The following MAPKBP1 variants were observed in gnomAD, a reference collection of about 807,000 sequenced individuals.
MAPKBP1 encodes the protein mitogen-activated protein kinase-binding protein 1.
MAPKBP1 carries 71 observed loss-of-function variants against 170.5 expected under a neutral mutation model. The observed-to-expected ratio is 0.42, with a 90% confidence interval of 0.34 to 0.51. MAPKBP1 has a LOEUF of 0.51. Among genes scored for constraint, MAPKBP1 ranks in the 20% least tolerant of loss-of-function variants. The probability of loss-of-function intolerance (pLI) is 0.06; values close to 1 mark genes in which losing one functional copy is unlikely to be tolerated. For missense variants in MAPKBP1, 1,598 were observed against 1,933.0 expected (o/e 0.83, Z 3.25); for synonymous variants, 719 against 757.9 (o/e 0.95, Z 0.84).
chr15:41,798,727 A>C (rs947783604), intron 2 of MAPKBP1, among the ~76,000 whole-genome samples: 1 of 152,078 alleles, frequency 6.6e-6, no homozygotes, highest in African/African-American at 2.4e-5. Flanking sequence ...CATCCACCCT[A>C]AGTGTTTCTG....
intron 10 of MAPKBP1, 103 bp downstream of exon 10, chr15:41,814,842 G>T: frequency 1.4e-6 from 2 of 1,401,228 alleles, no homozygotes; most frequent in Admixed American, 1.9e-5. Context: ...GATTCCTGCT[G>T]CCTCCCTGTT....
intron 2 of MAPKBP1, among the ~76,000 whole-genome samples, chr15:41,790,176 T>G (rs1216233722): frequency 6.6e-6 from 1 of 152,208 alleles, no homozygotes; most frequent in Non-Finnish European, 1.5e-5. Context: ...CCCAGACCTT[T>G]TGTACCCCCG....
At chr15:41,791,027 A>G (rs946635117) in intron 2 of MAPKBP1, among the ~76,000 whole-genome samples, 1 of 152,158 alleles carries the variant, frequency 6.6e-6, no homozygotes, top group Non-Finnish European at 1.5e-5. Flanking sequence ...GTGTGTGGGC[A>G]AGAGACAAAT....
In MAPKBP1 at chr15:41,817,075, C is replaced by A; in HGVS notation, c.1711+40C>A. The A allele has an allele frequency of 6.5e-7, 1 of 1,542,352 alleles. No individual in the cohort carries two copies. Among genetic ancestry groups the A allele is most frequent in the South Asian group, 1.2e-5 (1 of 80,158 alleles). On this transcript the variant is annotated intron_variant, in intron 14 of 30. Transcript: ENST00000457542. The surrounding 1 kb of genome is among the most constrained non-coding windows in gnomAD (Gnocchi z 4.2). ...AATGAGACACATCCTGCCACTCTCA[C>A]CCCTGCTGCCATCTGCCTCCCACCT...
In MAPKBP1 at chr15:41,825,396, T is replaced by G; in HGVS notation, c.4487T>G (p.Leu1496Trp). The G allele has an allele frequency of 6.2e-7, 1 of 1,613,014 alleles. No homozygotes were observed. The change falls in exon 31 of 31, where the codon TTG (leucine) becomes TGG (tryptophan). Residue 1496 changes from leucine to tryptophan, a missense_variant. Physicochemically the swap from Leu to Trp is moderately conservative, Grantham distance 61. Transcript: ENST00000457542. ...CTGCTGGAGCAATACTCAGAACTGT[T>G]GCTTCGAGCCGTGGAACGGCGTATG... is the stretch of plus-strand genomic sequence containing the variant. ...QALLEQYSEL[L>W]LRAVERRMER...
intron 2 of MAPKBP1, among the ~76,000 whole-genome samples, chr15:41,797,870 C>T (rs916795502): frequency 6.6e-6 from 1 of 152,126 alleles, no homozygotes; most frequent in African/African-American, 2.4e-5. Flanking sequence ...AATGTAACAT[C>T]TCAGGAGACT....
At chr15:41,808,224 A>G (rs2064738005) in intron 3 of MAPKBP1, among the ~76,000 whole-genome samples, 1 of 146,404 alleles carries the variant, frequency 6.8e-6, no homozygotes, top group Non-Finnish European at 1.5e-5. Flanking sequence ...CTCCTGCCTC[A>G]GCCTCCCCAG....
chr15:41,825,489 G>T lies in MAPKBP1; in HGVS notation c.*53G>T. On this transcript the variant is annotated 3_prime_UTR_variant, in exon 31 of 31. Coordinates refer to ENST00000457542, the MANE Select transcript of MAPKBP1 (RefSeq NM_014994.3). ...AATGCTCCAGCGATTCCAAACTGCA[G>T]CCCCTCTGCCCCTCACCAAAACCTG... 6.9e-7 allele frequency: 1 copy of T among 1,453,042 alleles called. No homozygotes were observed. 90.0% of individuals were successfully genotyped at this position (1,453,042 alleles called of 1,614,324 possible). A position where few individuals can be genotyped will look rare whatever the true frequency, so the allele number is the denominator to read the frequency against.
intron 3 of MAPKBP1, 161 bp from the exon 4 acceptor site, chr15:41,810,717 CAAAAA>C (rs58612719): frequency 0.023 from 9,712 of 418,014 alleles, no homozygotes; most frequent in South Asian, 0.032. Flanking sequence ...GATCCTGTCT[CAAAAA>C]AAAAAAAAAA....
chr15:41,815,280 A>C lies in MAPKBP1; in HGVS notation c.1192A>C (p.Ser398Arg), dbSNP rs766185662. The C allele has an allele frequency of 2.5e-6, 4 of 1,614,196 alleles. No homozygotes were observed. Among genetic ancestry groups the C allele is most frequent in the Non-Finnish European group, 3.4e-6 (4 of 1,180,034 alleles). The stretch of plus-strand genomic sequence containing the variant: ...TCAGGTCTACCCCGAGGTGAAGGAT[A>C]GTAACCAGGCCTGCCTGCCCCCCAG... ...SVEVYPEVKD[S>R]NQACLPPSSF... Residue 398 changes from serine (S) to arginine (R), a missense_variant, in exon 11 of 31, where the codon AGT becomes CGT. Physicochemically the swap from Ser to Arg is moderately radical, Grantham distance 110 (BLOSUM62 -1). Transcript: ENST00000457542.
At position 41,822,574 on chromosome 15, in the gene MAPKBP1, A is replaced by G. The variant is rs750896406; in HGVS notation, c.3230-19A>G. ...GGCTTGGTTTTTGCCCCAATTCATG[A>G]TTTCTCTGACCTTGGTAGGGGCCCC... On this transcript the variant is annotated intron_variant, in intron 26 of 30. Coordinates refer to ENST00000457542, the MANE Select transcript of MAPKBP1 (RefSeq NM_014994.3). 9 of 1,613,324 alleles carry G rather than the reference A, an allele frequency of 5.6e-6. No homozygotes were observed. The highest frequency in any genetic ancestry group is 7.6e-6 in the Non-Finnish European group (9 of 1,179,578).
intron 2 of MAPKBP1, among the ~76,000 whole-genome samples, chr15:41,789,602 G>T (rs914586129): frequency 2.0e-5 from 3 of 152,136 alleles, no homozygotes; most frequent in Non-Finnish European, 4.4e-5. Flanking sequence ...GGAAATGGGT[G>T]TCTGCTGTCT....
At position 41,824,053 on chromosome 15, in the gene MAPKBP1, A is replaced by G. The variant is rs2065049139; in HGVS notation, c.4205A>G (p.Gln1402Arg). Residue 1402 changes from glutamine (Q) to arginine (R), a missense_variant, in exon 29 of 31, where the codon CAG becomes CGG. Coordinates refer to ENST00000457542, the MANE Select transcript of MAPKBP1 (RefSeq NM_014994.3). Reference sequence around the variant, plus strand: ...ACCAAGCCAGGGGCAGCCCTGAGCCAGGACTCAGGTGTGCACAGCTCCCCA... The same window carrying G: ...ACCAAGCCAGGGGCAGCCCTGAGCCGGGACTCAGGTGTGCACAGCTCCCCA... Reference protein sequence around the residue: ...ECTKPGAALSQDSEPAVSLEQ... With the variant: ...ECTKPGAALSRDSEPAVSLEQ... The G allele has an allele frequency of 6.2e-7, 1 of 1,602,060 alleles. No individual in the cohort carries two copies. Among genetic ancestry groups the G allele is most frequent in the East Asian group, 2.2e-5 (1 of 44,810 alleles).
rs34394712 is a variant in MAPKBP1 at position 41,809,073 on chromosome 15, CA to C, written c.207-1793del. 1.6e-3 allele frequency among the ~76,000 whole-genome samples: 186 copies of C among 113,884 alleles called. 2 individuals are homozygous for C. Among genetic ancestry groups the C allele is most frequent in the African/African-American group, 3.6e-3 (104 of 28,794 alleles). 74.7% of individuals were successfully genotyped at this position (113,884 alleles called of 152,430 possible). ...TGGGTGACAGAGCGAGACCCTGCCT[CA>C]AAAAAAAAAAAAAAAATGAAGGAAG... On this transcript the variant is annotated intron_variant, in intron 3 of 30. Transcript: ENST00000457542.
At chr15:41,793,194 C>T (rs1266919636) in intron 2 of MAPKBP1, among the ~76,000 whole-genome samples, 1 of 152,146 alleles carries the variant, frequency 6.6e-6, no homozygotes, top group East Asian at 1.9e-4. Context: ...TTAATAAGAA[C>T]GCTAATATGT....
intron 2 of MAPKBP1, among the ~76,000 whole-genome samples, chr15:41,784,357 T>C (rs1352333721): frequency 2.6e-5 from 4 of 152,070 alleles, no homozygotes; most frequent in Non-Finnish European, 5.9e-5. Flanking sequence ...AGAGTTAATA[T>C]GAGCTGGACA....
At chr15:41,815,921 G>A in intron 12 of MAPKBP1, 122 bp downstream of exon 12, 1 of 980,894 alleles carries the variant, frequency 1.0e-6, no homozygotes, top group Non-Finnish European at 1.5e-6. Flanking sequence ...ACAAGGCAAA[G>A]ATAATAACTT....
chr15:41,796,371 A>C (rs1302435745), intron 2 of MAPKBP1, among the ~76,000 whole-genome samples: 1 of 152,220 alleles, frequency 6.6e-6, no homozygotes, highest in African/African-American at 2.4e-5. Flanking sequence ...AGGTTATCAG[A>C]GGGAGAGTCA....
intron 12 of MAPKBP1, 95 bp from the exon 13 acceptor site, chr15:41,816,464 A>C: frequency 2.4e-6 from 2 of 824,686 alleles, no homozygotes; most frequent in Non-Finnish European, 4.0e-6. Context: ...AGTTCAAAAA[A>C]AGGAAAAAGG....
Sources: allele counts gnomAD v4.1 joint callset (sites outside exome capture counted in the v4.1 genomes callset), GRCh38; gene constraint gnomAD v4.1.1; non-coding constraint Gnocchi (gnomAD v3.1); transcripts MANE v1.5; gene names NCBI Gene and HGNC (gene_info 2026-07-23, HGNC 2026-07-21).